Variants in NPAS3 observed in about 807,000 individuals in gnomAD.
NPAS3 encodes the protein neuronal PAS domain-containing protein 3.
In NPAS3, 14 loss-of-function variants were observed where a neutral mutation model predicts 73.1. The ratio of observed to expected loss-of-function variants is 0.19; its 90% confidence interval spans 0.13 to 0.30. The LOEUF (loss-of-function observed/expected upper bound fraction) is 0.30. Among genes scored for constraint, NPAS3 ranks in the 10% least tolerant of loss-of-function variants. The pLI is 1.00. For synonymous variants in NPAS3, 620 were observed against 541.5 expected, an observed-to-expected ratio of 1.14 and a Z score of -2.01; for missense variants, 1,096 against 1,250.0, an observed-to-expected ratio of 0.88 and a Z score of 1.86.
chr14:33,149,661 A>T (rs2044374200), intron 2 of NPAS3, among the ~76,000 whole-genome samples: 1 of 152,188 alleles, frequency 6.6e-6, no homozygotes, highest in Non-Finnish European at 1.5e-5. Context: ...ACCTTGAAAA[A>T]TATTTATTGA....
At chr14:33,197,267 G>GTGTGTGTGTGTGTT (rs1555353807) in intron 2 of NPAS3, among the ~76,000 whole-genome samples, 6,104 of 148,576 alleles carry the variant, frequency 0.041, 187 homozygotes, top group East Asian at 0.095. Flanking sequence ...GTGTGTGTGT[G>GTGTGTGTGTGTGTT]TTCTTTTTCA....
chr14:33,277,849 A>T (rs2041406708), intron 3 of NPAS3, among the ~76,000 whole-genome samples: 1 of 152,106 alleles, frequency 6.6e-6, no homozygotes, highest in Non-Finnish European at 1.5e-5. Flanking sequence ...AGGGTTCAGG[A>T]TGGGTATAGA....
At chr14:33,237,931 A>G (rs2048091536) in intron 3 of NPAS3, among the ~76,000 whole-genome samples, 1 of 151,806 alleles carries the variant, frequency 6.6e-6, no homozygotes, top group African/African-American at 2.4e-5. Flanking sequence ...AGTTTTTCTC[A>G]TGTACATTTT....
intron 9 of NPAS3, among the ~76,000 whole-genome samples, chr14:33,784,753 T>TTTTTTTTTTTTTTTTTTTTTTTTTG (rs2063112147): frequency 1.4e-5 from 1 of 70,518 alleles, no homozygotes; most frequent in Admixed American, 1.6e-4. Context: ...TTATTTTTTT[T>TTTTTTTTTTTTTTTTTTTTTTTTTG]TTTTTTTTTT....
intron 4 of NPAS3, among the ~76,000 whole-genome samples, chr14:33,433,230 C>T (rs2048852314): frequency 6.6e-6 from 1 of 152,170 alleles, no homozygotes; most frequent in Admixed American, 6.5e-5. Context: ...AGTAGCTTGT[C>T]AGTAGGCTCA....
At chr14:33,408,964 C>A (rs918021375) in intron 4 of NPAS3, among the ~76,000 whole-genome samples, 10 of 152,250 alleles carry the variant, frequency 6.6e-5, no homozygotes, top group Non-Finnish European at 1.5e-4. Flanking sequence ...TATTTTTGGA[C>A]ACAAATGCTT....
At chr14:33,623,631 T>C (rs530107830) in intron 5 of NPAS3, among the ~76,000 whole-genome samples, 2 of 152,282 alleles carry the variant, frequency 1.3e-5, no homozygotes, top group East Asian at 3.9e-4. Context: ...TGTTCCACTC[T>C]CTCCAAGGCC....
intron 1 of NPAS3, among the ~76,000 whole-genome samples, chr14:32,988,225 T>A (rs2038174432): frequency 6.6e-6 from 1 of 152,170 alleles, no homozygotes; most frequent in African/African-American, 2.4e-5. Context: ...AATCATGATA[T>A]AATAGATGGT....
intron 7 of NPAS3, among the ~76,000 whole-genome samples, chr14:33,746,834 G>A (rs1407205198): frequency 6.6e-6 from 1 of 151,954 alleles, no homozygotes; most frequent in Non-Finnish European, 1.5e-5. Context: ...ATGCCGGTGT[G>A]CTGCACCCAC....
At chr14:33,558,406 G>A (rs911779446) in intron 4 of NPAS3, among the ~76,000 whole-genome samples, 2 of 151,926 alleles carry the variant, frequency 1.3e-5, no homozygotes, top group Admixed American at 6.6e-5. Context: ...GATTACAGGT[G>A]TGCCACCACA....
intron 4 of NPAS3, among the ~76,000 whole-genome samples, chr14:33,506,510 C>T (rs1313683410): frequency 1.3e-5 from 2 of 152,018 alleles, no homozygotes; most frequent in East Asian, 3.9e-4. Flanking sequence ...TTGTCAAATG[C>T]TCTCCACTAA....
chr14:33,623,042 G>C (rs1336625530), intron 5 of NPAS3, among the ~76,000 whole-genome samples: 2 of 151,994 alleles, frequency 1.3e-5, no homozygotes, highest in Non-Finnish European at 2.9e-5. Context: ...AAAATATCAA[G>C]ACCTACAGTA....
chr14:33,442,491 G>A (rs930780557), intron 4 of NPAS3, among the ~76,000 whole-genome samples: 1 of 152,174 alleles, frequency 6.6e-6, no homozygotes, highest in Non-Finnish European at 1.5e-5. Context: ...ATATTGAATT[G>A]TAGTTCCCAT....
chr14:33,625,555 C>A (rs2058196556), intron 5 of NPAS3, among the ~76,000 whole-genome samples: 1 of 152,158 alleles, frequency 6.6e-6, no homozygotes, highest in African/African-American at 2.4e-5. Flanking sequence ...GAGGAGGTAA[C>A]AAAGCAGGTG....
At chr14:33,548,858 G>C (rs1420023224) in intron 4 of NPAS3, among the ~76,000 whole-genome samples, 1 of 152,166 alleles carries the variant, frequency 6.6e-6, no homozygotes, top group Non-Finnish European at 1.5e-5. Flanking sequence ...GAAAGGGAGA[G>C]ATCACATGTG....
chr14:33,661,167 G>T (rs949883988), intron 5 of NPAS3, among the ~76,000 whole-genome samples: 1 of 151,606 alleles, frequency 6.6e-6, no homozygotes, highest in Non-Finnish European at 1.5e-5. Flanking sequence ...AGGGATTATG[G>T]CTTTGATGGA....
chr14:33,163,489 A>G (rs1437833820), intron 2 of NPAS3, among the ~76,000 whole-genome samples: 1 of 152,264 alleles, frequency 6.6e-6, no homozygotes, highest in Non-Finnish European at 1.5e-5. Context: ...TTTCTACAAA[A>G]TACTTGCTGG....
chr14:33,559,964 T>A (rs1952604), intron 4 of NPAS3, among the ~76,000 whole-genome samples, 157 bp from the exon 5 acceptor site: 1 of 150,818 alleles, frequency 6.6e-6, no homozygotes, highest in Non-Finnish European at 1.5e-5. Context: ...GAGCCGAGAT[T>A]GTGCCACTGC....
chr14:33,016,615 G>T, intron 1 of NPAS3, among the ~76,000 whole-genome samples: 4 of 126,212 alleles, frequency 3.2e-5, no homozygotes, highest in Non-Finnish European at 6.5e-5. Context: ...AGAAAAAAAG[G>T]AAAAAAAAAA....
Sources: gnomAD v4.1 joint callset for allele counts (sites outside exome capture counted in the v4.1 genomes callset) on GRCh38, gnomAD v4.1.1 for gene constraint, MANE v1.5 for transcripts, NCBI Gene and HGNC (gene_info 2026-07-23, HGNC 2026-07-21) for gene names.